The following PIGL variants were observed in gnomAD, a reference collection of about 807,000 sequenced individuals.
The protein encoded by PIGL is phosphatidylinositol glycan anchor biosynthesis class L, also known as N-acetylglucosaminyl-phosphatidylinositol de-N-acetylase.
A neutral mutation model predicts 31.1 loss-of-function variants in PIGL; 22 were observed. That is an observed-to-expected ratio of 0.71 (90% CI 0.51 to 1.01). The LOEUF is 1.01. Among genes scored for constraint, PIGL ranks in the 50% least tolerant of loss-of-function variants. The pLI is 0.00. For synonymous variants in PIGL, 131 were observed against 117.4 expected (o/e 1.12, Z -0.75); for missense variants, 302 against 315.9 (o/e 0.96, Z 0.33).
chr17:16,278,812 G>C (rs1327695729), intron 2 of PIGL, among the ~76,000 whole-genome samples: 1 of 151,742 alleles, frequency 6.6e-6, no homozygotes, highest in Non-Finnish European at 1.5e-5. Flanking sequence ...TAAGTCTCAT[G>C]AACTAAAAGG....
At chr17:16,257,792 C>T (rs768593748) in intron 2 of PIGL, among the ~76,000 whole-genome samples, 25 of 152,006 alleles carry the variant, frequency 1.6e-4, no homozygotes, top group Middle Eastern at 3.4e-3. Flanking sequence ...CCACCGGGCA[C>T]GGTGGCTTAT....
At chr17:16,282,178 T>A (rs2092919192) in intron 2 of PIGL, 1 of 409,444 alleles carries the variant, frequency 2.4e-6, no homozygotes, top group South Asian at 1.7e-5. Context: ...TTCCTTCAGC[T>A]TTGCCTGCCC....
intron 6 of PIGL, among the ~76,000 whole-genome samples, chr17:16,319,777 C>G (rs978281288): frequency 5.9e-4 from 89 of 151,390 alleles, no homozygotes; most frequent in Non-Finnish European, 9.6e-4. Flanking sequence ...AAAAAGAGCC[C>G]AGGGCAGACT....
chr17:16,225,718 G>C (rs1219568932), intron 1 of PIGL, among the ~76,000 whole-genome samples: 2 of 151,676 alleles, frequency 1.3e-5, no homozygotes, highest in African/African-American at 4.8e-5. Flanking sequence ...ATTTACTTTA[G>C]CTTCAGCCAG....
intron 2 of PIGL, among the ~76,000 whole-genome samples, chr17:16,254,250 A>G (rs1483265017): frequency 6.6e-6 from 1 of 152,080 alleles, no homozygotes; most frequent in East Asian, 1.9e-4. Context: ...TCTAGCATAT[A>G]CACCAATTTT....
intron 2 of PIGL, chr17:16,281,934 T>G (rs3785626): frequency 0.44 from 184,685 of 419,754 alleles, 42,734 homozygotes; most frequent in Middle Eastern, 0.51. Context: ...ATGCAACCTG[T>G]AAGACCCATC....
intron 2 of PIGL, among the ~76,000 whole-genome samples, chr17:16,247,834 C>T (rs911440483): frequency 6.6e-6 from 1 of 152,088 alleles, no homozygotes; most frequent in African/African-American, 2.4e-5. Flanking sequence ...CTAATCACCT[C>T]ATCAAATGGT....
chr17:16,291,641 G>A (rs1435894426), intron 2 of PIGL, among the ~76,000 whole-genome samples: 3 of 152,024 alleles, frequency 2.0e-5, no homozygotes, highest in East Asian at 1.9e-4. Context: ...AGAGGAGGGC[G>A]GGTCACCTGA....
intron 3 of PIGL, among the ~76,000 whole-genome samples, chr17:16,313,086 A>G (rs1447487353): frequency 6.6e-6 from 1 of 152,204 alleles, no homozygotes; most frequent in African/African-American, 2.4e-5. Flanking sequence ...GAATAAATAC[A>G]CTTTTTCCAT....
chr17:16,316,627 C>T, intron 4 of PIGL, 54 bp from the exon 5 acceptor site: 1 of 1,538,316 alleles, frequency 6.5e-7, no homozygotes, highest in East Asian at 2.3e-5. Context: ...CCTCCTGTTA[C>T]CTACAAAGGA....
chr17:16,231,067 C>CTTTTT (rs59390439), intron 1 of PIGL, among the ~76,000 whole-genome samples: 3 of 96,520 alleles, frequency 3.1e-5, no homozygotes, highest in Non-Finnish European at 6.1e-5. Flanking sequence ...TTTGGTTTTT[C>CTTTTT]TTTTTTTTTT....
At chr17:16,297,511 T>C (rs1196317322) in intron 2 of PIGL, among the ~76,000 whole-genome samples, 1 of 152,242 alleles carries the variant, frequency 6.6e-6, no homozygotes, top group Non-Finnish European at 1.5e-5. Flanking sequence ...AAATGATGCC[T>C]TAATACATTT....
chr17:16,239,168 CTAAAAATTAAAAT>C (rs1479419092), intron 2 of PIGL, among the ~76,000 whole-genome samples: 1 of 151,376 alleles, frequency 6.6e-6, no homozygotes, highest in Non-Finnish European at 1.5e-5. Context: ...AACCCTGTCT[CTAAAAATTAAAAT>C]GAAAAATAAA....
intron 2 of PIGL, among the ~76,000 whole-genome samples, chr17:16,240,162 T>C (rs1010442335): frequency 6.6e-6 from 1 of 152,096 alleles, no homozygotes; most frequent in Non-Finnish European, 1.5e-5. Flanking sequence ...AAGTGTATAG[T>C]ACTTCCTCCC....
chr17:16,241,897 A>G (rs2092724762), intron 2 of PIGL, among the ~76,000 whole-genome samples: 1 of 152,188 alleles, frequency 6.6e-6, no homozygotes, highest in Non-Finnish European at 1.5e-5. Context: ...AAGATGTACC[A>G]TAACATTTAA....
At chr17:16,246,448 G>A (rs1199665499) in intron 2 of PIGL, among the ~76,000 whole-genome samples, 1 of 151,086 alleles carries the variant, frequency 6.6e-6, no homozygotes, top group African/African-American at 2.4e-5. Context: ...GGAAGCGGAG[G>A]TTGCACTGAG....
At chr17:16,302,804 T>TG (rs11382150) in intron 3 of PIGL, among the ~76,000 whole-genome samples, 149,977 of 152,110 alleles carry the variant, frequency 0.99, 73,988 homozygotes, top group Non-Finnish European at 0.99. Flanking sequence ...TTCACCATGT[T>TG]GCCAGGATGG....
intron 1 of PIGL, among the ~76,000 whole-genome samples, chr17:16,222,291 T>G (rs1207872141): frequency 6.6e-6 from 1 of 151,852 alleles, no homozygotes; most frequent in Non-Finnish European, 1.5e-5. Flanking sequence ...AGCTGGACTT[T>G]AAAAATAGGA....
chr17:16,245,815 TATA>T (rs1391459798), intron 2 of PIGL, among the ~76,000 whole-genome samples: 5 of 101,286 alleles, frequency 4.9e-5, no homozygotes, highest in African/African-American at 2.5e-4. Flanking sequence ...CATATATATA[TATA>T]TATTTTTTTT....
Sources: allele counts gnomAD v4.1 joint callset (sites outside exome capture counted in the v4.1 genomes callset), GRCh38; gene constraint gnomAD v4.1.1; transcripts MANE v1.5; gene names NCBI Gene and HGNC (gene_info 2026-07-23, HGNC 2026-07-21).